The following MGAT4D variants were observed in gnomAD, a reference collection of about 807,000 sequenced individuals.
MGAT4D encodes the protein MGAT4 family member D.
In MGAT4D, 34 loss-of-function variants were observed where a neutral mutation model predicts 15.9. The ratio of observed to expected loss-of-function variants is 2.14; its 90% CI spans 1.62 to 2.84. The LOEUF (loss-of-function observed/expected upper bound fraction) is 2.84, where lower values mean the gene tolerates loss of function less well. Among genes scored for constraint, MGAT4D ranks in the 30% most tolerant of loss-of-function variants. The probability of loss-of-function intolerance (pLI) is 0.00; values close to 1 mark genes in which losing one functional copy is unlikely to be tolerated. For missense variants in MGAT4D, 327 were observed against 140.2 expected, an observed-to-expected ratio of 2.33 and a Z score of -6.73; for synonymous variants, 112 against 48.2, an observed-to-expected ratio of 2.33 and a Z score of -5.49.
intron 1 of MGAT4D, among the ~76,000 whole-genome samples, chr4:140,488,785 C>T (rs763631850): frequency 3.3e-4 from 51 of 152,244 alleles, no homozygotes; most frequent in Middle Eastern, 3.4e-3. Context: ...AAGATGATCC[C>T]TCATGGCTTG....
intron 5 of MGAT4D, among the ~76,000 whole-genome samples, chr4:140,465,495 G>C (rs1646341776): frequency 6.6e-6 from 1 of 152,178 alleles, no homozygotes; most frequent in Non-Finnish European, 1.5e-5. Context: ...GTACTCTTTA[G>C]CATCTTTATT....
chr4:140,484,618 T>C (rs1732974855), intron 1 of MGAT4D, among the ~76,000 whole-genome samples: 1 of 152,122 alleles, frequency 6.6e-6, no homozygotes, highest in Admixed American at 6.5e-5. Flanking sequence ...ACAGGCAACC[T>C]ACAGAATGGG....
chr4:140,464,651 G>C (rs1226411126), intron 6 of MGAT4D, among the ~76,000 whole-genome samples: 2 of 152,156 alleles, frequency 1.3e-5, no homozygotes, highest in Non-Finnish European at 2.9e-5. Flanking sequence ...TGGAGGGATG[G>C]ACATCCTGCT....
At chr4:140,489,114 G>T (rs992234163) in intron 1 of MGAT4D, among the ~76,000 whole-genome samples, 29 of 152,120 alleles carry the variant, frequency 1.9e-4, no homozygotes, top group African/African-American at 6.8e-4. Flanking sequence ...CACTCAGGGG[G>T]TAAATAGAAG....
At chr4:140,467,988 A>C (rs1367298666) in intron 5 of MGAT4D, among the ~76,000 whole-genome samples, 19 of 152,010 alleles carry the variant, frequency 1.2e-4, no homozygotes, top group Non-Finnish European at 2.1e-4. Flanking sequence ...GCAAAAGTTT[A>C]GACATGTAAA....
At chr4:140,460,918 G>A (rs1227275101) in intron 7 of MGAT4D, among the ~76,000 whole-genome samples, 15 of 152,298 alleles carry the variant, frequency 9.8e-5, no homozygotes, top group African/African-American at 3.4e-4. Flanking sequence ...AAGGTGCCAC[G>A]TTCTATCTCC....
intron 6 of MGAT4D, 112 bp from the exon 7 acceptor site, chr4:140,462,116 A>G: frequency 1.9e-6 from 1 of 531,568 alleles, no homozygotes; most frequent in East Asian, 2.8e-5. Flanking sequence ...ACTAGCTACA[A>G]TTAAGTAACT....
chr4:140,486,966 G>A (rs940632671), intron 1 of MGAT4D, among the ~76,000 whole-genome samples: 17 of 152,196 alleles, frequency 1.1e-4, no homozygotes, highest in African/African-American at 4.1e-4. Flanking sequence ...TATATCATGG[G>A]TGATGCAACC....
At chr4:140,449,589 C>A (rs1730343560) in intron 10 of MGAT4D, among the ~76,000 whole-genome samples, 1 of 152,102 alleles carries the variant, frequency 6.6e-6, no homozygotes, top group Non-Finnish European at 1.5e-5. Context: ...GAAACCCCGT[C>A]TCTACTAAAA....
At chr4:140,444,231 A>G (rs1729943010) in intron 10 of MGAT4D, among the ~76,000 whole-genome samples, 1 of 152,126 alleles carries the variant, frequency 6.6e-6, no homozygotes, top group Non-Finnish European at 1.5e-5. Context: ...AAAAGCTTTC[A>G]TTTTAGGCTC....
rs2126645082 is a variant in MGAT4D at position 140,442,541 on chromosome 4, C to G, written c.*895G>C. On this transcript the variant is annotated 3_prime_UTR_variant, in exon 11 of 11. Transcript: ENST00000511113. ...TAAGGAGTGAAAAGTTTTCAACAAC[C>G]AAATTAGAAAGCCTGATATAAGAGA... is the stretch of plus-strand genomic sequence containing the variant. The G allele has an allele frequency of 1.3e-5, 2 of 152,098 alleles. No individual in the cohort carries two copies. Among genetic ancestry groups the G allele is most frequent in the South Asian group, 4.1e-4 (2 of 4,828 alleles). The allele number at this position is 152,098 out of a possible 1,614,324, so 9.4% of individuals were successfully genotyped here. A position where few individuals can be genotyped will look rare whatever the true frequency, so the allele number is the denominator to read the frequency against.
At chr4:140,487,551 A>C (rs1733224492) in intron 1 of MGAT4D, among the ~76,000 whole-genome samples, 1 of 152,264 alleles carries the variant, frequency 6.6e-6, no homozygotes, top group Non-Finnish European at 1.5e-5. Context: ...ATTTTATTTA[A>C]TACAATATAT....
chr4:140,469,903 C>T (rs1731804639), intron 5 of MGAT4D, among the ~76,000 whole-genome samples: 1 of 152,256 alleles, frequency 6.6e-6, no homozygotes, highest in South Asian at 2.1e-4. Flanking sequence ...GCACATCGCA[C>T]CCCTCTGCTC....
rs1379715322 is a variant in MGAT4D, at chr4:140,443,283, G to A, written c.*153C>T. On this transcript the variant is annotated 3_prime_UTR_variant, in exon 11 of 11. Coordinates refer to ENST00000511113, the MANE Select transcript of MGAT4D (RefSeq NM_001277353.2). ...GTTCTACCTTGTCTTGACATAAGAA[G>A]TCATTTAGTACTTTCAAGTCTACTA... 9.7e-6 allele frequency: 3 copies of A among 308,582 alleles called. No homozygotes were observed. Among genetic ancestry groups the A allele is most frequent in the Admixed American group, 5.2e-5 (1 of 19,270 alleles). 19.1% of individuals were successfully genotyped at this position (308,582 alleles called of 1,614,324 possible). A position where few individuals can be genotyped will look rare whatever the true frequency, so the allele number is the denominator to read the frequency against.
chr4:140,486,934 T>C (rs1733175727), intron 1 of MGAT4D, among the ~76,000 whole-genome samples: 1 of 152,178 alleles, frequency 6.6e-6, no homozygotes, highest in Non-Finnish European at 1.5e-5. Flanking sequence ...CTCTGCAAAA[T>C]GGATTGTGTG....
At chr4:140,463,525 C>G (rs1023951695) in intron 6 of MGAT4D, among the ~76,000 whole-genome samples, 2 of 152,024 alleles carry the variant, frequency 1.3e-5, no homozygotes, top group African/African-American at 4.8e-5. Context: ...TGGATATAAA[C>G]TCACCCAAAG....
intron 7 of MGAT4D, among the ~76,000 whole-genome samples, chr4:140,460,696 G>C (rs1015236497): frequency 6.6e-6 from 1 of 152,150 alleles, no homozygotes; most frequent in Non-Finnish European, 1.5e-5. Context: ...AATTAGTCGG[G>C]TGTTGTGGTG....
intron 5 of MGAT4D, among the ~76,000 whole-genome samples, chr4:140,469,167 T>C (rs1731746485): frequency 6.6e-6 from 1 of 152,242 alleles, no homozygotes; most frequent in African/African-American, 2.4e-5. Flanking sequence ...TCTTTAAATA[T>C]GTATTATAAA....
intron 5 of MGAT4D, among the ~76,000 whole-genome samples, chr4:140,470,805 A>G (rs1731880749): frequency 6.6e-6 from 1 of 152,102 alleles, no homozygotes. Flanking sequence ...GTTAAATTAA[A>G]TACCTCTTCG....
Sources: allele counts gnomAD v4.1 joint callset (sites outside exome capture counted in the v4.1 genomes callset), GRCh38; gene constraint gnomAD v4.1.1; transcripts MANE v1.5; gene names NCBI Gene and HGNC (gene_info 2026-07-23, HGNC 2026-07-21).